The following ZNF518A variants were observed in gnomAD, a reference collection of about 807,000 sequenced individuals.
ZNF518A encodes the protein zinc finger protein 518A.
In ZNF518A, 47 loss-of-function variants were observed where a neutral mutation model predicts 102.7. The ratio of observed to expected loss-of-function variants is 0.46; its 90% confidence interval spans 0.36 to 0.58. ZNF518A has a LOEUF of 0.58. Among genes scored for constraint, ZNF518A ranks in the 20% least tolerant of loss-of-function variants. The pLI is 0.00. For missense variants in ZNF518A, 1,793 were observed against 1,699.8 expected (o/e 1.05, Z -0.96); for synonymous variants, 652 against 594.6 (o/e 1.10, Z -1.40).
chr10:96,176,806 A>G (rs979364996), intron 1 of ZNF518A, among the ~76,000 whole-genome samples: 60 of 152,266 alleles, frequency 3.9e-4, no homozygotes, highest in Middle Eastern at 3.4e-3. Flanking sequence ...CTGACGCAGG[A>G]GAATCACTTG....
intron 3 of ZNF518A, among the ~76,000 whole-genome samples, chr10:96,138,819 T>TTACGCAACTTATAC (rs1415258947): frequency 3.3e-5 from 5 of 152,212 alleles, no homozygotes; most frequent in African/African-American, 1.2e-4. Flanking sequence ...GTTCTCACCC[T>TTACGCAACTTATAC]TACGCAACTT....
chr10:96,175,877 C>CCCTTCCTTCCTTCCTT (rs782226974), intron 1 of ZNF518A, among the ~76,000 whole-genome samples: 2 of 49,688 alleles, frequency 4.0e-5, no homozygotes, highest in African/African-American at 1.1e-4. Flanking sequence ...CTCCCTCCCT[C>CCCTTCCTTCCTTCCTT]CCTTCCTTCC....
downstream of ZNF518A, among the ~76,000 whole-genome samples, chr10:96,165,985 G>A (rs1026426055): frequency 5.3e-5 from 8 of 152,278 alleles, no homozygotes; most frequent in African/African-American, 1.9e-4. Flanking sequence ...GTAACTCTCA[G>A]ACTGAGATAG....
At chr10:96,204,150 T>C, downstream of ZNF518A, 1 of 1,542,466 alleles carries the variant, frequency 6.5e-7, no homozygotes, top group Non-Finnish European at 9.0e-7. Context: ...TTTGACTTTT[T>C]GTTTACACTG....
chr10:96,159,310 G>T lies in ZNF518A; in HGVS notation c.2988G>T (p.Glu996Asp). ...KLEGVSAVKTEGAPARGTVTK... is the reference protein window; with the variant it reads ...KLEGVSAVKTDGAPARGTVTK... ...AAGGTGTTTCCGCTGTCAAAACCGA[G>T]GGTGCCCCAGCTCGTGGAACTGTGA... Residue 996 changes from glutamate (E) to aspartate (D), a missense_variant, in exon 6 of 6, where the codon GAG becomes GAT. Physicochemically the swap from Glu to Asp is conservative, Grantham distance 45. This residue lies in a region of ZNF518A where 1,741 missense variants were observed against 1,622.6 expected (regional missense o/e 1.07). Coordinates refer to ENST00000316045, the MANE Select transcript of ZNF518A (RefSeq NM_001330736.2). The T allele has an allele frequency of 6.2e-7, 1 of 1,613,454 alleles. No individual in the cohort carries two copies.
At chr10:96,152,336 C>G (rs1482031650) in intron 3 of ZNF518A, among the ~76,000 whole-genome samples, 2 of 152,158 alleles carry the variant, frequency 1.3e-5, no homozygotes, top group African/African-American at 4.8e-5. Flanking sequence ...AACCAGCAAT[C>G]TTTGTTGGTG....
At position 96,191,958 on chromosome 10, in the gene ZNF518A, C is replaced by CT. The variant is rs782515286; in HGVS notation, n.36-11608dup. The CT allele has an allele frequency of 1.7e-5, 28 of 1,612,632 alleles. No individual in the cohort carries two copies. In the South Asian group the frequency reaches 2.5e-4, roughly 15 times the overall value. ...AAGTGTCTGAAGCAATGGTATTGAT[C>CT]TTTTTTTTCCCCCTTTATGAAACTT... On this transcript the variant is annotated intron_variant and non_coding_transcript_variant, in intron 1 of 2. Coordinates refer to the ZNF518A transcript ENST00000442635.
At position 96,158,122 on chromosome 10, in the gene ZNF518A, A is replaced by G; in HGVS notation, c.1800A>G (p.Lys600=). ...GTACCACCATTAAAAGTCCAGATAA[A>G]GTCAACTGTGTTGCCAAACCAAATG... ...VLGTTIKSPD[K]VNCVAKPNAY... is the part of the protein sequence containing the mutation. The change falls in exon 6 of 6, where the codon AAA becomes AAG. Residue 600 remains lysine, a synonymous_variant. Transcript: ENST00000316045. 2 of 1,613,578 alleles carry G rather than the reference A, an allele frequency of 1.2e-6. No individual in the cohort carries two copies. The highest frequency in any genetic ancestry group is 1.7e-4 in the Middle Eastern group (1 of 6,060).
At chr10:96,180,037 C>A (rs2083230272) in intron 1 of ZNF518A, among the ~76,000 whole-genome samples, 1 of 151,930 alleles carries the variant, frequency 6.6e-6, no homozygotes, top group South Asian at 2.1e-4. Context: ...TGCCATCACG[C>A]CTGGCTGATT....
chr10:96,155,078 A>G (rs2082634645), intron 3 of ZNF518A, among the ~76,000 whole-genome samples: 1 of 151,954 alleles, frequency 6.6e-6, no homozygotes, highest in African/African-American at 2.4e-5. Context: ...TAAAGCACAA[A>G]ATTAAAAACA....
rs901452552 is a variant in ZNF518A at position 96,192,123 on chromosome 10, T to G, written n.36-11451T>G. The G allele has an allele frequency of 4.3e-6, 7 of 1,612,308 alleles. No individual in the cohort carries two copies. In the Admixed American group the frequency reaches 8.3e-5, roughly 19 times the overall value. The stretch of plus-strand genomic sequence containing the variant: ...GGAAGAAAACATAGATGAATTATAC[T>G]TTGGCATTTGTGTTAAATTTGAGCT... On this transcript the variant is annotated intron_variant and non_coding_transcript_variant, in intron 1 of 2. Transcript: ENST00000442635.
chr10:96,144,400 T>G (rs186367669), intron 3 of ZNF518A, among the ~76,000 whole-genome samples: 1 of 152,372 alleles, frequency 6.6e-6, no homozygotes, highest in East Asian at 1.9e-4. Flanking sequence ...TCCGTAATTT[T>G]ATAATTTTCC....
intron 1 of ZNF518A, chr10:96,201,082 T>C: frequency 6.3e-7 from 1 of 1,589,112 alleles, no homozygotes; most frequent in Non-Finnish European, 8.6e-7. Context: ...GAAAAGTCCT[T>C]CAATTAATCT....
rs1390858422 is a variant in ZNF518A, at chr10:96,161,936, C to T, written c.*1162C>T. 5 of 166,884 alleles carry T rather than the reference C, an allele frequency of 3.0e-5. No homozygotes were observed. Among genetic ancestry groups the T allele is most frequent in the African/African-American group, 1.2e-4 (5 of 41,420 alleles). The allele number at this position is 166,884 out of a possible 1,614,324, so 10.3% of individuals were successfully genotyped here. A position where few individuals can be genotyped will look rare whatever the true frequency, so the allele number is the denominator to read the frequency against. On this transcript the variant is annotated 3_prime_UTR_variant, in exon 6 of 6. Transcript: ENST00000316045. ...ATAGATTCCTAAGGGACATGCCCAA[C>T]AGAGTTTTAAAATGGATGTTTTCAT...
chr10:96,173,596 A>G (rs1371907671), intron 1 of ZNF518A, among the ~76,000 whole-genome samples: 2 of 152,176 alleles, frequency 1.3e-5, no homozygotes, highest in Non-Finnish European at 2.9e-5. Flanking sequence ...TTAAACATAT[A>G]TGCACCTAAT....
Position 96,156,332 on chromosome 10 carries a change from G to A in ZNF518A, c.10G>A (p.Glu4Lys), listed in dbSNP as rs1564767589. Reference sequence around the variant, plus strand: ...CTTTTTTGGTTAAATCATGCCATCTGAACAGAAACAGTTATTTTGTGATGA... The same window carrying A: ...CTTTTTTGGTTAAATCATGCCATCTAAACAGAAACAGTTATTTTGTGATGA... MPSEQKQLFCDEKQ... is the reference protein window; with the variant it reads MPSKQKQLFCDEKQ... The change falls in exon 6 of 6, where the codon GAA becomes AAA. Residue 4 changes from glutamate (E) to lysine (K), a missense_variant. Around this residue, in one of 3 missense-constraint regions of ZNF518A, gnomAD observed 1,741 missense variants for 1,622.6 expected, o/e 1.07. Coordinates refer to ENST00000316045, the MANE Select transcript of ZNF518A (RefSeq NM_001330736.2). 2.5e-6 allele frequency: 4 copies of A among 1,573,222 alleles called. No individual in the cohort carries two copies. The highest frequency in any genetic ancestry group is 1.7e-4 in the Middle Eastern group (1 of 5,854).
At chr10:96,167,439 G>A (rs1454033365), downstream of ZNF518A, among the ~76,000 whole-genome samples, 1 of 152,158 alleles carries the variant, frequency 6.6e-6, no homozygotes, top group Non-Finnish European at 1.5e-5. Context: ...GGGAGGCAGC[G>A]AGACTCCACC....
chr10:96,155,961 C>G lies in ZNF518A; in HGVS notation c.-213C>G, dbSNP rs2082677103. Reference sequence around the variant, plus strand: ...AGGTCCAGAGAAGTTGAAGTTTTCCCAAGGTCACACAGCAGAGCTGGAACT... The same window carrying G: ...AGGTCCAGAGAAGTTGAAGTTTTCCGAAGGTCACACAGCAGAGCTGGAACT... On this transcript the variant is annotated 5_prime_UTR_variant, in exon 5 of 6. Transcript: ENST00000316045. 6.5e-6 allele frequency: 1 copy of G among 154,792 alleles called. No individual in the cohort carries two copies. Among genetic ancestry groups the G allele is most frequent in the Non-Finnish European group, 1.4e-5 (1 of 70,054 alleles). The allele number at this position is 154,792 out of a possible 1,614,324, so 9.6% of individuals were successfully genotyped here.
Position 96,130,481 on chromosome 10 carries a change from G to C in ZNF518A, c.-724G>C, listed in dbSNP as rs2142160817. Among the ~76,000 whole-genome samples the C allele has an allele frequency of 6.6e-6, 1 of 152,342 alleles. No homozygotes were observed. The highest frequency in any genetic ancestry group is 3.4e-3 in the Middle Eastern group (1 of 294). Reference sequence around the variant, plus strand: ...GAGACGGTGTGCCTCCGCGCTCCCCGCGGGGCAGCCGAACCCCGGAGGAAG... The same window carrying C: ...GAGACGGTGTGCCTCCGCGCTCCCCCCGGGGCAGCCGAACCCCGGAGGAAG... On this transcript the variant is annotated 5_prime_UTR_variant, in exon 1 of 6. Coordinates refer to ENST00000316045, the MANE Select transcript of ZNF518A (RefSeq NM_001330736.2).
Sources: allele counts gnomAD v4.1 joint callset (sites outside exome capture counted in the v4.1 genomes callset), GRCh38; gene constraint gnomAD v4.1.1; regional missense constraint gnomAD v4.1.1; transcripts MANE v1.5; gene names NCBI Gene and HGNC (gene_info 2026-07-23, HGNC 2026-07-21).